Variants in JAKMIP3 observed in about 807,000 individuals in gnomAD.
The protein encoded by JAKMIP3 is Janus kinase and microtubule interacting protein 3, also known as janus kinase and microtubule-interacting protein 3.
A neutral mutation model predicts 118.5 loss-of-function variants in JAKMIP3; 58 were observed. The ratio of observed to expected loss-of-function variants is 0.49; its 90% confidence interval spans 0.40 to 0.61. The LOEUF (loss-of-function observed/expected upper bound fraction) is 0.61, where lower values mean the gene tolerates loss of function less well. Among genes scored for constraint, JAKMIP3 ranks in the 20% least tolerant of loss-of-function variants. The pLI is 0.00. For missense variants in JAKMIP3, 950 were observed against 1,109.0 expected (o/e 0.86, Z 2.04); for synonymous variants, 486 against 451.2 (o/e 1.08, Z -0.98).
intron 3 of JAKMIP3, among the ~76,000 whole-genome samples, chr10:132,121,708 G>A (rs550430869): frequency 6.6e-6 from 1 of 152,294 alleles, no homozygotes; most frequent in South Asian, 2.1e-4. Context: ...CACTGTGGAC[G>A]AGGCTGGCCT....
intron 19 of JAKMIP3, among the ~76,000 whole-genome samples, chr10:132,161,969 G>C (rs949905856): frequency 6.8e-6 from 1 of 147,596 alleles, no homozygotes; most frequent in Non-Finnish European, 1.5e-5. Flanking sequence ...GGGATGCTCC[G>C]AGTTTTCTGA....
intron 23 of JAKMIP3, among the ~76,000 whole-genome samples, chr10:132,176,043 G>C (rs1448008000): frequency 6.6e-6 from 1 of 152,248 alleles, no homozygotes; most frequent in Non-Finnish European, 1.5e-5. Context: ...GGCACTGCCT[G>C]TCTCTCTTGG....
intron 2 of JAKMIP3, among the ~76,000 whole-genome samples, chr10:132,114,124 C>T (rs918394532): frequency 1.3e-5 from 2 of 152,236 alleles, no homozygotes; most frequent in Non-Finnish European, 2.9e-5. Flanking sequence ...CACGTGGTAC[C>T]CACTGAGTCC....
At chr10:132,120,477 C>T (rs1026512428) in intron 3 of JAKMIP3, among the ~76,000 whole-genome samples, 1 of 152,258 alleles carries the variant, frequency 6.6e-6, no homozygotes, top group African/African-American at 2.4e-5. Context: ...ACACAGCTCC[C>T]ATCAGTTCAC....
chr10:132,183,923 A>G lies in JAKMIP3; in HGVS notation c.*2670A>G, dbSNP rs1159722998. ...AGGCTATACCTTCTTTTCCAAACCA[A>G]TGGGCTAGAGTGAATTTCCTCCAAG... On this transcript the variant is annotated 3_prime_UTR_variant, in exon 24 of 24. Transcript: ENST00000684848. The G allele has an allele frequency of 1.3e-5, 2 of 152,136 alleles. No homozygotes were observed. The highest frequency in any genetic ancestry group is 1.9e-4 in the East Asian group (1 of 5,200). 9.4% of individuals were successfully genotyped at this position (152,136 alleles called of 1,614,324 possible).
At chr10:132,093,355 C>T (rs1012013152) in intron 1 of JAKMIP3, among the ~76,000 whole-genome samples, 1 of 152,172 alleles carries the variant, frequency 6.6e-6, no homozygotes, top group Non-Finnish European at 1.5e-5. Flanking sequence ...TGTGCCCTAC[C>T]CCCAGAGGTG....
chr10:132,036,899 G>A (rs1373224416), intron 1 of JAKMIP3, among the ~76,000 whole-genome samples: 1 of 152,004 alleles, frequency 6.6e-6, no homozygotes, highest in Non-Finnish European at 1.5e-5. Context: ...TGTCTGGGGC[G>A]GGGTCCTCCT....
chr10:132,145,477 C>T, intron 12 of JAKMIP3, 41 bp from the exon 13 acceptor site: 1 of 1,515,630 alleles, frequency 6.6e-7, no homozygotes, highest in Non-Finnish European at 9.0e-7. Flanking sequence ...TTTATGAGTT[C>T]CTCCCTCAGT....
intron 21 of JAKMIP3, 54 bp downstream of exon 21, chr10:132,164,789 C>T (rs891525628): frequency 2.9e-5 from 35 of 1,223,876 alleles, no homozygotes; most frequent in Admixed American, 2.6e-4. Context: ...GAGAGGAACC[C>T]GGTGTCACCC....
chr10:132,040,177 G>A (rs2037684324), intron 1 of JAKMIP3, among the ~76,000 whole-genome samples: 1 of 152,176 alleles, frequency 6.6e-6, no homozygotes. Context: ...GGGCCCCCAG[G>A]ATGGGATGGG....
In JAKMIP3 at chr10:132,160,921, GGGGTCTCTTCCTGTGTGATGCTGGGT is replaced by G; in HGVS notation, c.2221-2284_2221-2259del. 2.9e-4 allele frequency among the ~76,000 whole-genome samples: 2 copies of G among 6,942 alleles called. 1 individual carries two copies. The highest frequency in any genetic ancestry group is 4.4e-4 in the Non-Finnish European group (2 of 4,568). 4.6% of individuals were successfully genotyped at this position (6,942 alleles called of 152,430 possible). ...GTGGCCTCTTCCTGTGTGATGCTAGGGGGTCTCTTCCTGTGTGATGCTGGGTGGGCCTCTCCCTGTGTGATGCTGGG... is the reference window on the plus strand; with the variant it reads ...GTGGCCTCTTCCTGTGTGATGCTAGGGGGCCTCTCCCTGTGTGATGCTGGG... On this transcript the variant is annotated intron_variant, in intron 19 of 23. Transcript: ENST00000684848.
intron 3 of JAKMIP3, among the ~76,000 whole-genome samples, chr10:132,120,147 T>A (rs1321348602): frequency 6.6e-6 from 1 of 152,238 alleles, no homozygotes; most frequent in Non-Finnish European, 1.5e-5. Context: ...CTTGCCTATT[T>A]CAAAGTCTTA....
At position 132,168,311 on chromosome 10, in the gene JAKMIP3, T is replaced by A. The variant is rs1349069581; in HGVS notation, c.*381T>A. 3 of 1,288,986 alleles carry A rather than the reference T, an allele frequency of 2.3e-6. No homozygotes were observed. The African/African-American group carries it at 4.6e-5, about 20-fold the overall frequency. 79.8% of individuals were successfully genotyped at this position (1,288,986 alleles called of 1,614,324 possible). A position where few individuals can be genotyped will look rare whatever the true frequency, so the allele number is the denominator to read the frequency against. The stretch of plus-strand genomic sequence containing the variant: ...TCTGTGCAGAAGCACCAGCCGCGGG[T>A]CCCCTCCTCTCTCTTGGTTCTCACA... On this transcript the variant is annotated 3_prime_UTR_variant, in exon 23 of 24. Coordinates refer to ENST00000684848, the MANE Select transcript of JAKMIP3 (RefSeq NM_001323087.2).
rs2048899268 is a variant in JAKMIP3, at chr10:132,123,411, T to A, written c.633+5837T>A. On this transcript the variant is annotated intron_variant, in intron 3 of 23. Coordinates refer to ENST00000684848, the MANE Select transcript of JAKMIP3 (RefSeq NM_001323087.2). ...AGCCAGTTTCTCCTTCCCGTAAAGA[T>A]CTGTGATTTCTAATATTGGTTCCTC... Among the ~76,000 whole-genome samples, 3 of 152,306 alleles carry A rather than the reference T, an allele frequency of 2.0e-5. No individual in the cohort carries two copies. In the South Asian group the frequency reaches 6.2e-4, roughly 32 times the overall value.
upstream of JAKMIP3, among the ~76,000 whole-genome samples, chr10:132,061,770 C>A (rs951650590): frequency 1.3e-5 from 2 of 152,138 alleles, no homozygotes; most frequent in Non-Finnish European, 2.9e-5. Flanking sequence ...TAGGAGGAAA[C>A]CTGGGGAGAT....
intron 1 of JAKMIP3, among the ~76,000 whole-genome samples, chr10:132,084,617 A>T (rs1435453887): frequency 6.6e-6 from 1 of 152,168 alleles, no homozygotes; most frequent in Non-Finnish European, 1.5e-5. Flanking sequence ...TATGTTGAAG[A>T]GAAGTGGTGA....
chr10:132,161,762 G>A (rs543752488), intron 19 of JAKMIP3, among the ~76,000 whole-genome samples: 62 of 78,432 alleles, frequency 7.9e-4, no homozygotes, highest in Non-Finnish European at 1.3e-3. Context: ...TGATGCTGGG[G>A]GGTGTCTCTC....
chr10:132,159,144 T>TGTGATTCTGGGGGCGTCTCTCCC (rs2057470656), intron 19 of JAKMIP3, among the ~76,000 whole-genome samples: 3 of 111,436 alleles, frequency 2.7e-5, no homozygotes, highest in African/African-American at 6.8e-5. Flanking sequence ...GCGTCTCTCC[T>TGTGATTCTGGGGGCGTCTCTCCC]TGTGTGATGT....
At chr10:132,075,357 T>C (rs1457556544) in intron 1 of JAKMIP3, among the ~76,000 whole-genome samples, 1 of 113,670 alleles carries the variant, frequency 8.8e-6, no homozygotes, top group Non-Finnish European at 1.7e-5. Context: ...AATGCTCCCT[T>C]TAAATTTTTC....
Sources: gnomAD v4.1 joint callset for allele counts (sites outside exome capture counted in the v4.1 genomes callset) on GRCh38, gnomAD v4.1.1 for gene constraint, MANE v1.5 for transcripts, NCBI Gene and HGNC (gene_info 2026-07-23, HGNC 2026-07-21) for gene names.